Variants in ELAPOR2 observed in about 807,000 individuals in gnomAD.
The protein encoded by ELAPOR2 is endosome/lysosome-associated apoptosis and autophagy regulator family member 2.
Under a neutral mutation model 120.7 loss-of-function variants are expected in ELAPOR2, and 89 were observed. That is an observed-to-expected ratio of 0.74 (90% CI 0.62 to 0.88). ELAPOR2 has a LOEUF of 0.88. Ranked by LOEUF, ELAPOR2 falls within the 40% of genes least tolerant of loss-of-function variation. ELAPOR2 has a pLI of 0.00. For synonymous variants in ELAPOR2, 444 were observed against 444.9 expected (o/e 1.00, Z 0.03); for missense variants, 1,134 against 1,251.6 (o/e 0.91, Z 1.42).
chr7:86,907,694 C>A lies in ELAPOR2; in HGVS notation c.2534G>T (p.Gly845Val). 1 of 1,577,810 alleles carries A rather than the reference C, an allele frequency of 6.3e-7. No homozygotes were observed. The highest frequency in any genetic ancestry group is 8.6e-7 in the Non-Finnish European group (1 of 1,168,072). ...VKMRCNPTKS[G>V]AGVISVPSKC... ...CCTGGGGACTGAAATCACTCCTGCT[C>A]CAGATTTAGTAGGATTACACCTCAT... The change falls in exon 18 of 22, where the codon GGA becomes GTA. Residue 845 changes from glycine (G) to valine (V), a missense_variant. This residue lies in a region of ELAPOR2 where 831 missense variants were observed against 867.6 expected (regional missense o/e 0.96). Transcript: ENST00000450689.
At chr7:86,883,023 G>GGTGTGTGTGTGTGTGT (rs55859925) in intron 21 of ELAPOR2, among the ~76,000 whole-genome samples, 18 of 141,552 alleles carry the variant, frequency 1.3e-4, no homozygotes, top group African/African-American at 4.2e-4. Flanking sequence ...GTTTGAAAGG[G>GGTGTGTGTGTGTGTGT]GTGTGTGTGT....
intron 1 of ELAPOR2, among the ~76,000 whole-genome samples, chr7:87,003,115 T>G (rs1383198011): frequency 6.6e-6 from 1 of 152,134 alleles, no homozygotes; most frequent in Non-Finnish European, 1.5e-5. Context: ...AGCCCTTCTT[T>G]ATGGGATTGA....
chr7:86,966,354 G>A (rs958108824), intron 1 of ELAPOR2, among the ~76,000 whole-genome samples: 2 of 151,990 alleles, frequency 1.3e-5, no homozygotes, highest in Admixed American at 6.6e-5. Context: ...GCCCTCACTA[G>A]TATCACTTTC....
At chr7:87,019,370 C>G (rs1157886388) in intron 1 of ELAPOR2, among the ~76,000 whole-genome samples, 3 of 152,048 alleles carry the variant, frequency 2.0e-5, no homozygotes, top group African/African-American at 7.2e-5. Flanking sequence ...TCAGATGTTG[C>G]CTAGGCTGGT....
In ELAPOR2 at chr7:87,033,318, C is replaced by T. The variant is rs570618914; in HGVS notation, c.189+26007G>A. 1.4e-4 allele frequency among the ~76,000 whole-genome samples: 22 copies of T among 152,268 alleles called. No homozygotes were observed. The East Asian group carries it at 4.2e-3, about 29-fold the overall frequency. On this transcript the variant is annotated intron_variant, in intron 1 of 21. Coordinates refer to ENST00000450689, the MANE Select transcript of ELAPOR2 (RefSeq NM_001142749.3). ...CACATTAACTACTCAATAAATGGAA[C>T]TTGTTATCAAAAAAATCGAAGATAA...
intron 12 of ELAPOR2, among the ~76,000 whole-genome samples, chr7:86,917,832 G>C (rs1382114589): frequency 6.6e-6 from 1 of 151,958 alleles, no homozygotes; most frequent in Admixed American, 6.6e-5. Context: ...AAACAAAGCA[G>C]GTCTGTGAAG....
At chr7:86,967,796 C>T (rs1791965819) in intron 1 of ELAPOR2, among the ~76,000 whole-genome samples, 1 of 152,180 alleles carries the variant, frequency 6.6e-6, no homozygotes, top group Admixed American at 6.5e-5. Flanking sequence ...CTCTAGATTA[C>T]TCAAGGACTC....
intron 1 of ELAPOR2, among the ~76,000 whole-genome samples, chr7:87,022,035 G>C (rs1325391365): frequency 6.6e-6 from 1 of 152,074 alleles, no homozygotes; most frequent in Non-Finnish European, 1.5e-5. Flanking sequence ...CTCAGCAGTT[G>C]ACAGCCATAG....
chr7:87,023,383 G>A (rs1468028114), intron 1 of ELAPOR2, among the ~76,000 whole-genome samples: 4 of 152,162 alleles, frequency 2.6e-5, no homozygotes, highest in East Asian at 1.9e-4. Flanking sequence ...GCAGATATGC[G>A]GCATTATTTC....
intron 1 of ELAPOR2, among the ~76,000 whole-genome samples, chr7:87,043,856 A>G (rs1794861012): frequency 6.6e-6 from 1 of 151,746 alleles, no homozygotes; most frequent in African/African-American, 2.4e-5. Context: ...TATATCTAGA[A>G]AACCCCATTG....
chr7:87,059,187 T>A (rs1795354711), intron 1 of ELAPOR2, 138 bp downstream of exon 1: 2 of 1,196,256 alleles, frequency 1.7e-6, no homozygotes, highest in Non-Finnish European at 1.0e-6. Flanking sequence ...ACTTCACCCC[T>A]CGAAGCAAAC....
intron 1 of ELAPOR2, among the ~76,000 whole-genome samples, chr7:87,051,538 T>C (rs528060020): frequency 3.3e-5 from 5 of 152,224 alleles, no homozygotes; most frequent in Non-Finnish European, 5.9e-5. Context: ...TGCATTAGCT[T>C]GATCTCACAG....
At chr7:86,910,995 C>A (rs1238072898) in intron 15 of ELAPOR2, among the ~76,000 whole-genome samples, 1 of 150,038 alleles carries the variant, frequency 6.7e-6, no homozygotes, top group Non-Finnish European at 1.5e-5. Context: ...AGAAAAGGTA[C>A]TGGGGAAAGA....
intron 1 of ELAPOR2, among the ~76,000 whole-genome samples, chr7:87,053,544 G>A (rs772974633): frequency 5.9e-5 from 9 of 152,126 alleles, no homozygotes; most frequent in Admixed American, 2.0e-4. Flanking sequence ...CTGAGAAATG[G>A]GTGGATTCTT....
chr7:87,021,568 T>C (rs1338569815), intron 1 of ELAPOR2, among the ~76,000 whole-genome samples: 2 of 152,158 alleles, frequency 1.3e-5, no homozygotes, highest in African/African-American at 4.8e-5. Flanking sequence ...TATACCACTG[T>C]TTAGTTAACC....
intron 1 of ELAPOR2, among the ~76,000 whole-genome samples, chr7:87,048,645 A>T (rs1394976903): frequency 6.6e-6 from 1 of 152,236 alleles, no homozygotes; most frequent in Non-Finnish European, 1.5e-5. Context: ...CTTAATTGTA[A>T]CACAAAGGAT....
At chr7:87,008,390 C>A (rs762144759) in intron 1 of ELAPOR2, among the ~76,000 whole-genome samples, 8 of 152,066 alleles carry the variant, frequency 5.3e-5, no homozygotes, top group Non-Finnish European at 1.2e-4. Context: ...TAGGCTGCAT[C>A]CTGGATTGGG....
At chr7:86,986,760 G>A (rs910561820) in intron 1 of ELAPOR2, among the ~76,000 whole-genome samples, 1 of 151,596 alleles carries the variant, frequency 6.6e-6, no homozygotes, top group African/African-American at 2.4e-5. Flanking sequence ...TCGTGAAAAT[G>A]GCCATACTGC....
intron 8 of ELAPOR2, among the ~76,000 whole-genome samples, chr7:86,934,773 C>A (rs1790494322): frequency 6.6e-6 from 1 of 151,928 alleles, no homozygotes; most frequent in African/African-American, 2.4e-5. Flanking sequence ...TACATAATGG[C>A]CCTTCCAATA....
Sources: gnomAD v4.1 joint callset for allele counts (sites outside exome capture counted in the v4.1 genomes callset) on GRCh38, gnomAD v4.1.1 for gene constraint, gnomAD v4.1.1 regional missense constraint, MANE v1.5 for transcripts, NCBI Gene and HGNC (gene_info 2026-07-23, HGNC 2026-07-21) for gene names.